The following ZNF600 variants were observed in gnomAD, a reference collection of about 807,000 sequenced individuals.
The protein encoded by ZNF600 is zinc finger protein KR-ZNF1.
A neutral mutation model predicts 7.3 loss-of-function variants in ZNF600; 4 were observed. That is an observed-to-expected ratio of 0.55 (90% CI 0.27 to 1.25). ZNF600 has a LOEUF of 1.25. Ranked by LOEUF, ZNF600 falls within the 50% of genes most tolerant of loss-of-function variation. The pLI is 0.12. For synonymous variants in ZNF600, 290 were observed against 308.9 expected, an observed-to-expected ratio of 0.94 and a Z score of 0.64; for missense variants, 911 against 922.1, an observed-to-expected ratio of 0.99 and a Z score of 0.16.
At chr19:52,770,493 G>A (rs1414803472) in intron 3 of ZNF600, among the ~76,000 whole-genome samples, 1 of 152,160 alleles carries the variant, frequency 6.6e-6, no homozygotes, top group Admixed American at 6.6e-5. Context: ...CAATTATGAT[G>A]TCACAACTAC....
the ZNF600 span, among the ~76,000 whole-genome samples, chr19:52,833,602 G>A: frequency 6.6e-6 from 1 of 152,108 alleles, no homozygotes; most frequent in Non-Finnish European, 1.5e-5. Context: ...GCTTCCTCAT[G>A]TAACATGAGT....
chr19:52,773,566 G>C (rs1335762874), intron 3 of ZNF600, among the ~76,000 whole-genome samples: 1 of 152,116 alleles, frequency 6.6e-6, no homozygotes, highest in African/African-American at 2.4e-5. Context: ...AGTAGGTAGA[G>C]ATGTGTTTGT....
the ZNF600 span, among the ~76,000 whole-genome samples, chr19:52,830,716 G>A: frequency 1.3e-5 from 2 of 151,786 alleles, no homozygotes; most frequent in African/African-American, 4.9e-5. Flanking sequence ...GAGGGGAGGG[G>A]CTCACGGGGA....
intron 1 of ZNF600, among the ~76,000 whole-genome samples, chr19:52,783,322 C>A (rs530973949): frequency 1.3e-5 from 2 of 152,300 alleles, no homozygotes; most frequent in Admixed American, 6.5e-5. Flanking sequence ...CACCCAGGGT[C>A]CCCCTTCGTC....
chr19:52,782,402 A>G (rs2062729985), intron 1 of ZNF600, among the ~76,000 whole-genome samples: 1 of 151,592 alleles, frequency 6.6e-6, no homozygotes, highest in African/African-American at 2.4e-5. Context: ...GCGTGCCTGT[A>G]ATCATAACTA....
intron 1 of ZNF600, among the ~76,000 whole-genome samples, chr19:52,782,632 G>A (rs1046019561): frequency 7.2e-5 from 11 of 152,262 alleles, no homozygotes; most frequent in East Asian, 5.8e-4. Flanking sequence ...CCAACACTTC[G>A]GGAGGCCGAG....
At chr19:52,804,720 G>A in the ZNF600 span, among the ~76,000 whole-genome samples, 1 of 152,038 alleles carries the variant, frequency 6.6e-6, no homozygotes, top group Non-Finnish European at 1.5e-5. Context: ...GGCCAGACTG[G>A]TCTCAAACTC....
chr19:52,815,879 T>C, the ZNF600 span, among the ~76,000 whole-genome samples: 1 of 147,100 alleles, frequency 6.8e-6, no homozygotes, highest in African/African-American at 2.6e-5. Flanking sequence ...GATGAAATAA[T>C]TGGTACAACA....
the ZNF600 span, among the ~76,000 whole-genome samples, chr19:52,819,195 C>CA: frequency 3.5e-4 from 48 of 136,582 alleles, 6 homozygotes; most frequent in African/African-American, 1.2e-3. Context: ...TGGACACTGG[C>CA]AGGGACCCTG....
chr19:52,771,504 C>T (rs1411641542), intron 3 of ZNF600, among the ~76,000 whole-genome samples: 1 of 151,502 alleles, frequency 6.6e-6, no homozygotes, highest in Non-Finnish European at 1.5e-5. Flanking sequence ...AACAGAGTCT[C>T]ACTCTGTCAC....
chr19:52,810,768 T>TCAAAAAA, the ZNF600 span: 3 of 436,564 alleles, frequency 6.9e-6, no homozygotes, highest in African/African-American at 9.9e-5. Flanking sequence ...AAAAAAAGAA[T>TCAAAAAA]AAAAAAAAAC....
chr19:52,811,261 G>A, the ZNF600 span, among the ~76,000 whole-genome samples: 7 of 151,560 alleles, frequency 4.6e-5, no homozygotes, highest in African/African-American at 9.7e-5. Context: ...CCTCCCAGCC[G>A]CCTGCCTTGG....
At chr19:52,786,632 G>A (rs1446534850) in exon 1 of ZNF600, 1 of 196,310 alleles carries the variant, frequency 5.1e-6, no homozygotes, top group East Asian at 1.3e-4. Context: ...AGGGAAGACA[G>A]GCGAGAATTT....
At chr19:52,780,221 G>C (rs958949507) in intron 1 of ZNF600, among the ~76,000 whole-genome samples, 1 of 152,002 alleles carries the variant, frequency 6.6e-6, no homozygotes, top group Non-Finnish European at 1.5e-5. Flanking sequence ...GACCACCCTG[G>C]GCAAAATAAA....
the ZNF600 span, among the ~76,000 whole-genome samples, chr19:52,830,672 T>C: frequency 0.015 from 2,260 of 150,862 alleles, 74 homozygotes; most frequent in African/African-American, 0.053. Context: ...AGTGGATGAA[T>C]AAGGTCTTGA....
At chr19:52,810,788 A>C in the ZNF600 span, 3 of 471,052 alleles carry the variant, frequency 6.4e-6, no homozygotes, top group East Asian at 7.0e-5. Context: ...CCCAAAAAAA[A>C]CAGAAGATGA....
At chr19:52,767,235 C>T in exon 4 of ZNF600, 1 of 1,614,104 alleles carries the variant, frequency 6.2e-7, no homozygotes, top group Non-Finnish European at 8.5e-7. Flanking sequence ...TAAGAGTGAG[C>T]TACAATTAAA....
At chr19:52,799,803 T>G in the ZNF600 span, 1 of 1,614,200 alleles carries the variant, frequency 6.2e-7, no homozygotes, top group Non-Finnish European at 8.5e-7. Context: ...AACTCTCTGA[T>G]GCTGTGCAAG....
At chr19:52,782,497 T>C (rs1054070100) in intron 1 of ZNF600, among the ~76,000 whole-genome samples, 72 of 150,716 alleles carry the variant, frequency 4.8e-4, no homozygotes, top group Non-Finnish European at 1.5e-4. Context: ...CACTTCAGCC[T>C]GGGCAACAAG....
Sources: gnomAD v4.1 joint callset for allele counts (sites outside exome capture counted in the v4.1 genomes callset) on GRCh38, gnomAD v4.1.1 for gene constraint, MANE v1.5 for transcripts, NCBI Gene and HGNC (gene_info 2026-07-23, HGNC 2026-07-21) for gene names.